Variants in COL21A1 observed in about 807,000 individuals in gnomAD.
The protein encoded by COL21A1 is collagen alpha-1(XXI) chain.
Under a neutral mutation model 137.9 loss-of-function variants are expected in COL21A1, and 149 were observed. The ratio of observed to expected loss-of-function variants is 1.08; its 90% confidence interval spans 0.95 to 1.24. The LOEUF (loss-of-function observed/expected upper bound fraction) is 1.24. COL21A1 is among the 50% of genes most tolerant of loss of function. The pLI is 0.00. For synonymous variants in COL21A1, 456 were observed against 391.5 expected (o/e 1.16, Z -1.95); for missense variants, 1,167 against 1,158.4 (o/e 1.01, Z -0.11).
At chr6:56,085,245 TATA>T (rs1768127962) in intron 17 of COL21A1, among the ~76,000 whole-genome samples, 1 of 152,074 alleles carries the variant, frequency 6.6e-6, no homozygotes, top group Non-Finnish European at 1.5e-5. Context: ...AAATTGAAGG[TATA>T]ATAAAACTAA....
At chr6:56,073,075 A>G (rs1292381755) in intron 20 of COL21A1, among the ~76,000 whole-genome samples, 1 of 151,332 alleles carries the variant, frequency 6.6e-6, no homozygotes, top group Non-Finnish European at 1.5e-5. Context: ...CCTTCAACAC[A>G]GTGTGAGTCA....
intron 28 of COL21A1, 121 bp downstream of exon 28, chr6:56,059,897 G>A (rs910787112): frequency 3.2e-5 from 20 of 624,094 alleles, no homozygotes; most frequent in African/African-American, 2.2e-4. Flanking sequence ...ATTTAAAGAC[G>A]AGCATTTACA....
chr6:56,127,067 G>A (rs1367228422), intron 12 of COL21A1, among the ~76,000 whole-genome samples: 15 of 152,126 alleles, frequency 9.9e-5, no homozygotes, highest in Admixed American at 9.2e-4. Context: ...CCAAACCATT[G>A]GTTATAGCTA....
intron 3 of COL21A1, among the ~76,000 whole-genome samples, chr6:56,174,875 A>T (rs1777333345): frequency 6.6e-6 from 1 of 152,138 alleles, no homozygotes; most frequent in South Asian, 2.1e-4. Context: ...ACAAGCCAAT[A>T]TCCCTGATGA....
At chr6:56,078,828 G>A (rs1767476839) in intron 17 of COL21A1, among the ~76,000 whole-genome samples, 1 of 151,130 alleles carries the variant, frequency 6.6e-6, no homozygotes, top group Non-Finnish European at 1.5e-5. Context: ...TATCAACAAG[G>A]GACTCACAAT....
intron 1 of COL21A1, among the ~76,000 whole-genome samples, chr6:56,273,675 G>A (rs1271521832): frequency 2.0e-5 from 3 of 152,062 alleles, no homozygotes; most frequent in African/African-American, 2.4e-5. Context: ...TTGAATCAGG[G>A]AGAAAGTTTA....
intron 1 of COL21A1, among the ~76,000 whole-genome samples, chr6:56,363,343 C>A (rs1766019699): frequency 6.6e-6 from 1 of 152,190 alleles, no homozygotes; most frequent in African/African-American, 2.4e-5. Flanking sequence ...TTTTAATCTG[C>A]ACAGCCCTGT....
intron 1 of COL21A1, among the ~76,000 whole-genome samples, chr6:56,245,389 T>C (rs555030167): frequency 1.3e-4 from 20 of 152,184 alleles, no homozygotes; most frequent in African/African-American, 2.4e-5. Context: ...ATATAAAGTA[T>C]GTAATCAAAT....
chr6:56,121,578 A>G (rs1772536430), intron 16 of COL21A1, among the ~76,000 whole-genome samples: 1 of 146,786 alleles, frequency 6.8e-6, no homozygotes, highest in South Asian at 2.1e-4. Flanking sequence ...ATATATGTAT[A>G]TGTATATATA....
At chr6:56,211,614 CA>C (rs2152306524) in intron 1 of COL21A1, among the ~76,000 whole-genome samples, 1 of 152,152 alleles carries the variant, frequency 6.6e-6, no homozygotes, top group African/African-American at 2.4e-5. Flanking sequence ...ATCTGATTTG[CA>C]GTGTTTCTAG....
In COL21A1 at chr6:56,179,580, T is replaced by A; in HGVS notation, c.638A>T (p.Glu213Val). 1 of 1,604,234 alleles carries A rather than the reference T, an allele frequency of 6.2e-7. No individual in the cohort carries two copies. Among genetic ancestry groups the A allele is most frequent in the South Asian group, 1.1e-5 (1 of 89,988 alleles). The change falls in exon 3 of 30, where the codon GAA becomes GTA. Residue 213 changes from glutamate (E) to valine (V), a missense_variant and splice_region_variant. Coordinates refer to ENST00000244728, the MANE Select transcript of COL21A1 (RefSeq NM_030820.4). ...IREVMKQKLCEESVCPTRIPV... is the reference protein window; with the variant it reads ...IREVMKQKLCVESVCPTRIPV... Reference sequence around the variant, plus strand: ...TATTAAGGCATTTTAAGGCTTACCTTCACAAAGTTTCTGCTTCATCACTTC... The same window carrying A: ...TATTAAGGCATTTTAAGGCTTACCTACACAAAGTTTCTGCTTCATCACTTC...
At chr6:56,294,145 G>A (rs1457168823) in intron 1 of COL21A1, among the ~76,000 whole-genome samples, 1 of 152,002 alleles carries the variant, frequency 6.6e-6, no homozygotes, top group Non-Finnish European at 1.5e-5. Flanking sequence ...TACTAAATGG[G>A]ACTATCACTT....
chr6:56,111,534 T>C (rs1771431425), intron 16 of COL21A1, among the ~76,000 whole-genome samples: 1 of 152,134 alleles, frequency 6.6e-6, no homozygotes, highest in African/African-American at 2.4e-5. Context: ...TTCTCTACTA[T>C]ATTTGCAACT....
At chr6:56,139,850 G>C (rs1774284218) in intron 12 of COL21A1, among the ~76,000 whole-genome samples, 1 of 152,112 alleles carries the variant, frequency 6.6e-6, no homozygotes, top group African/African-American at 2.4e-5. Flanking sequence ...CAATGGGAAA[G>C]TGAGGCTTTG....
intron 1 of COL21A1, among the ~76,000 whole-genome samples, chr6:56,308,281 T>G (rs1384990247): frequency 6.6e-6 from 1 of 152,232 alleles, no homozygotes; most frequent in East Asian, 1.9e-4. Flanking sequence ...CATGTGAGGA[T>G]GCAACAAGGA....
chr6:56,189,027 G>C (rs1778486671), intron 1 of COL21A1, among the ~76,000 whole-genome samples: 1 of 152,118 alleles, frequency 6.6e-6, no homozygotes, highest in Non-Finnish European at 1.5e-5. Flanking sequence ...GTGCAAAAAT[G>C]CTGAAAATTC....
rs1323956625 is a variant in COL21A1, at chr6:56,269,955, C to A, written c.-38-87299G>T. 2.6e-5 allele frequency among the ~76,000 whole-genome samples: 4 copies of A among 152,136 alleles called. No homozygotes were observed. In the South Asian group the frequency reaches 8.3e-4, roughly 32 times the overall value. On this transcript the variant is annotated intron_variant, in intron 1 of 28. Transcript: ENST00000370819. ...AGTGCTAAACATGGTAACAAAAGAA[C>A]GACACCTGCTACCACAAAAGCACAC...
intron 1 of COL21A1, among the ~76,000 whole-genome samples, chr6:56,236,255 G>C (rs1424128117): frequency 3.3e-5 from 5 of 151,978 alleles, no homozygotes; most frequent in African/African-American, 1.2e-4. Flanking sequence ...AATAAGGCTT[G>C]TTTCTGTCAC....
At chr6:56,218,323 C>G (rs1374424948) in intron 1 of COL21A1, among the ~76,000 whole-genome samples, 1 of 150,556 alleles carries the variant, frequency 6.6e-6, no homozygotes, top group Non-Finnish European at 1.5e-5. Context: ...AGAAAAACAA[C>G]AGAATTCATG....
Sources: allele counts gnomAD v4.1 joint callset (sites outside exome capture counted in the v4.1 genomes callset), GRCh38; gene constraint gnomAD v4.1.1; transcripts MANE v1.5; gene names NCBI Gene and HGNC (gene_info 2026-07-23, HGNC 2026-07-21).